Variants in RBMS1 observed in about 807,000 individuals in gnomAD.
RBMS1 encodes RNA-binding motif, single-stranded-interacting protein 1.
Under a neutral mutation model 62.3 loss-of-function variants are expected in RBMS1, and 17 were observed. The observed-to-expected ratio is 0.27, with a 90% CI of 0.19 to 0.41. RBMS1 has a LOEUF of 0.41. Among genes scored for constraint, RBMS1 ranks in the 10% least tolerant of loss-of-function variants. RBMS1 has a pLI of 1.00. For synonymous variants in RBMS1, 172 were observed against 170.0 expected, an observed-to-expected ratio of 1.01 and a Z score of -0.09; for missense variants, 334 against 504.5, an observed-to-expected ratio of 0.66 and a Z score of 3.24.
intron 1 of RBMS1, among the ~76,000 whole-genome samples, chr2:160,424,216 A>G (rs1284650553): frequency 6.6e-6 from 1 of 151,746 alleles, no homozygotes; most frequent in African/African-American, 2.4e-5. Flanking sequence ...GACAGGTTTC[A>G]CCATGTTGGC....
At position 160,287,087 on chromosome 2, in the gene RBMS1, A is replaced by G. The variant is rs1227065534; in HGVS notation, c.641-3T>C. ...ACACAATAAAGGTTCTGTGGGGGCT[A>G]AGTAAACAGAGAAAAATAAAATGAA... On this transcript the variant is annotated splice_region_variant and splice_polypyrimidine_tract_variant and intron_variant, in intron 6 of 13. Coordinates refer to ENST00000348849, the MANE Select transcript of RBMS1 (RefSeq NM_016836.4). The G allele has an allele frequency of 6.2e-7, 1 of 1,613,990 alleles. No individual in the cohort carries two copies. Among genetic ancestry groups the G allele is most frequent in the Non-Finnish European group, 8.5e-7 (1 of 1,179,982 alleles).
chr2:160,431,249 G>A (rs1484535350), intron 1 of RBMS1, among the ~76,000 whole-genome samples: 1 of 150,680 alleles, frequency 6.6e-6, no homozygotes, highest in Non-Finnish European at 1.5e-5. Context: ...TAAACTAAGT[G>A]GTCCACATTC....
intron 1 of RBMS1, among the ~76,000 whole-genome samples, chr2:160,444,751 A>G (rs1358478484): frequency 6.6e-6 from 1 of 152,172 alleles, no homozygotes; most frequent in Non-Finnish European, 1.5e-5. Context: ...CCCTAATCCT[A>G]CAGGTCTGGT....
intron 1 of RBMS1, among the ~76,000 whole-genome samples, chr2:160,386,047 T>C (rs906566096): frequency 8.5e-5 from 13 of 152,248 alleles, no homozygotes; most frequent in African/African-American, 2.9e-4. Context: ...TTTGTCTAGG[T>C]AGTATGATGA....
intron 6 of RBMS1, among the ~76,000 whole-genome samples, chr2:160,294,888 T>G (rs2105944706): frequency 6.6e-6 from 1 of 152,306 alleles, no homozygotes; most frequent in African/African-American, 2.4e-5. Context: ...ATCTGGTTCT[T>G]CTGATAATAA....
chr2:160,338,788 G>C (rs1389608734), intron 2 of RBMS1, among the ~76,000 whole-genome samples: 4 of 152,194 alleles, frequency 2.6e-5, no homozygotes, highest in Non-Finnish European at 5.9e-5. Context: ...ATAAGACAGA[G>C]AAGACAGGGT....
chr2:160,399,674 C>A (rs761103643), intron 1 of RBMS1, among the ~76,000 whole-genome samples: 33 of 152,042 alleles, frequency 2.2e-4, no homozygotes, highest in Non-Finnish European at 4.1e-4. Context: ...ACTGAGAATA[C>A]AAAATAGAGC....
chr2:160,276,434 C>A (rs906231248), intron 12 of RBMS1, among the ~76,000 whole-genome samples: 6 of 152,056 alleles, frequency 3.9e-5, no homozygotes, highest in Admixed American at 3.3e-4. Flanking sequence ...CACCAACAGG[C>A]CAGAGTCCTA....
At chr2:160,376,440 T>G (rs547838780) in intron 1 of RBMS1, among the ~76,000 whole-genome samples, 3 of 152,276 alleles carry the variant, frequency 2.0e-5, no homozygotes, top group African/African-American at 7.2e-5. Context: ...AATGTTGTAA[T>G]TTTGTGTATA....
At chr2:160,405,725 C>T (rs1695666929) in intron 1 of RBMS1, among the ~76,000 whole-genome samples, 1 of 152,172 alleles carries the variant, frequency 6.6e-6, no homozygotes. Flanking sequence ...ATCTTATCAG[C>T]GTGCTCCAGA....
chr2:160,473,877 T>G (rs1381615293), intron 1 of RBMS1, among the ~76,000 whole-genome samples: 2 of 152,190 alleles, frequency 1.3e-5, no homozygotes, highest in Admixed American at 6.5e-5. Context: ...TATAAATATT[T>G]TCAATACCTT....
chr2:160,364,371 T>C (rs11693275), intron 2 of RBMS1, among the ~76,000 whole-genome samples: 27,230 of 152,226 alleles, frequency 0.18, 3,259 homozygotes, highest in Admixed American at 0.36. Context: ...CTAGAGCTGG[T>C]TGACATCTTT....
intron 12 of RBMS1, 107 bp from the exon 13 acceptor site, chr2:160,275,821 A>AAATT: frequency 4.0e-6 from 6 of 1,489,714 alleles, no homozygotes; most frequent in Non-Finnish European, 4.6e-6. Flanking sequence ...GTTACTCTTT[A>AAATT]AAGTAAATTT....
In RBMS1 at chr2:160,272,236, A is replaced by T. The variant is rs568528080; in HGVS notation, c.*2536T>A. On this transcript the variant is annotated 3_prime_UTR_variant, in exon 14 of 14. Transcript: ENST00000348849. ...AATCTGATCAAATGTACAGTTCAAAAATGTCTTTTGGCGTTTAACAACAAG... is the reference window on the plus strand; with the variant it reads ...AATCTGATCAAATGTACAGTTCAAATATGTCTTTTGGCGTTTAACAACAAG... 1 of 152,208 alleles carries T rather than the reference A, an allele frequency of 6.6e-6. No individual in the cohort carries two copies. Among genetic ancestry groups the T allele is most frequent in the African/African-American group, 2.4e-5 (1 of 41,448 alleles). 9.4% of individuals were successfully genotyped at this position (152,208 alleles called of 1,614,324 possible). A position where few individuals can be genotyped will look rare whatever the true frequency, so the allele number is the denominator to read the frequency against.
intron 3 of RBMS1, among the ~76,000 whole-genome samples, chr2:160,316,130 C>T (rs533580563): frequency 1.3e-5 from 2 of 152,078 alleles, no homozygotes; most frequent in African/African-American, 4.8e-5. Context: ...TATCTATCTA[C>T]CTATCACGTC....
At position 160,369,563 on chromosome 2, in the gene RBMS1, T is replaced by C. The variant is rs144805742; in HGVS notation, c.76-2172A>G. Reference sequence around the variant, plus strand: ...TTTCTCTTAAACCTCCTTTGATTAGTGTCTCAGAAACCATCCCTGACACAA... The same window carrying C: ...TTTCTCTTAAACCTCCTTTGATTAGCGTCTCAGAAACCATCCCTGACACAA... On this transcript the variant is annotated intron_variant, in intron 1 of 13. Transcript: ENST00000348849. Among the ~76,000 whole-genome samples the C allele has an allele frequency of 5.1e-4, 78 of 152,334 alleles. 1 individual carries two copies. In the Middle Eastern group the frequency reaches 0.017, roughly 33 times the overall value.
At chr2:160,377,805 C>A (rs1378459449) in intron 1 of RBMS1, among the ~76,000 whole-genome samples, 3 of 152,200 alleles carry the variant, frequency 2.0e-5, no homozygotes, top group Non-Finnish European at 4.4e-5. Flanking sequence ...TGCAACCCCT[C>A]ACTTTTCAGG....
chr2:160,362,963 T>C (rs1030563229), intron 2 of RBMS1, among the ~76,000 whole-genome samples: 5 of 152,214 alleles, frequency 3.3e-5, no homozygotes, highest in African/African-American at 1.2e-4. Context: ...GTTTTAAATG[T>C]ACAATTCAAT....
intron 1 of RBMS1, among the ~76,000 whole-genome samples, chr2:160,387,173 T>C (rs150519644): frequency 1.5e-3 from 228 of 152,276 alleles, no homozygotes; most frequent in Non-Finnish European, 2.5e-3. Context: ...TAGCCCTATA[T>C]ATGGTTGTCA....
Sources: allele counts gnomAD v4.1 joint callset (sites outside exome capture counted in the v4.1 genomes callset), GRCh38; gene constraint gnomAD v4.1.1; transcripts MANE v1.5; gene names NCBI Gene and HGNC (gene_info 2026-07-23, HGNC 2026-07-21).